PKNOX2: variants seen among roughly 807,000 people sequenced by gnomAD.
PKNOX2 encodes PBX/knotted 1 homeobox 2.
A neutral mutation model predicts 53.1 loss-of-function variants in PKNOX2; 14 were observed. The observed-to-expected ratio is 0.26, with a 90% confidence interval of 0.17 to 0.41. The LOEUF (loss-of-function observed/expected upper bound fraction) is 0.41, where lower values mean the gene tolerates loss of function less well. Ranked by LOEUF, PKNOX2 falls within the 10% of genes least tolerant of loss-of-function variation. The pLI is 1.00. For synonymous variants in PKNOX2, 257 were observed against 242.8 expected (o/e 1.06, Z -0.54); for missense variants, 496 against 602.8 (o/e 0.82, Z 1.85).
chr11:125,308,182 T>C lies in PKNOX2; in HGVS notation c.-129-23637T>C, dbSNP rs112767748. Among the ~76,000 whole-genome samples, 1,246 of 152,350 alleles carry C rather than the reference T, an allele frequency of 8.2e-3. 19 individuals are homozygous for C. Among genetic ancestry groups the C allele is most frequent in the South Asian group, 0.021 (100 of 4,832 alleles). On this transcript the variant is annotated intron_variant, in intron 2 of 12. Transcript: ENST00000298282. ...CCTTCCTTAGAATGTGCCCTATTAC[T>C]GCTTCTTGCTGCCCCTTCCTGCCAA...
intron 2 of PKNOX2, among the ~76,000 whole-genome samples, chr11:125,243,798 A>C (rs936175809): frequency 6.6e-6 from 1 of 151,736 alleles, no homozygotes; most frequent in South Asian, 2.1e-4. Flanking sequence ...AATTTTTTGT[A>C]TTTTTAGTAG....
At chr11:125,281,145 T>G (rs1367418607) in intron 2 of PKNOX2, among the ~76,000 whole-genome samples, 4 of 152,164 alleles carry the variant, frequency 2.6e-5, no homozygotes, top group African/African-American at 7.2e-5. Context: ...TCAGGCCGCT[T>G]GCTAGGGCCA....
intron 3 of PKNOX2, among the ~76,000 whole-genome samples, chr11:125,335,243 T>C (rs1039064478): frequency 2.6e-5 from 4 of 152,210 alleles, no homozygotes; most frequent in Admixed American, 1.3e-4. Flanking sequence ...TGTAGGATTC[T>C]CTCTCTGCAG....
rs147361131 is a variant in PKNOX2 at position 125,210,100 on chromosome 11, A to G, written c.-200-24945A>G. ...AAGCTATGCCGTAAAGGTTCTGCCA[A>G]CCTCTGGCTGGAGAATAGAAGGACA... On this transcript the variant is annotated intron_variant, in intron 1 of 12. Coordinates refer to ENST00000298282, the MANE Select transcript of PKNOX2 (RefSeq NM_001382323.2). Among the ~76,000 whole-genome samples, 28 of 152,184 alleles carry G rather than the reference A, an allele frequency of 1.8e-4. No individual in the cohort carries two copies. In the East Asian group the frequency reaches 4.2e-3, roughly 23 times the overall value.
At chr11:125,258,719 G>C (rs1188861111) in intron 2 of PKNOX2, 1 of 213,238 alleles carries the variant, frequency 4.7e-6, no homozygotes, top group Non-Finnish European at 1.0e-5. Flanking sequence ...TGGCAGGGGA[G>C]AGAAGCACTG....
intron 2 of PKNOX2, among the ~76,000 whole-genome samples, chr11:125,249,164 C>T (rs1360082361): frequency 6.6e-6 from 1 of 151,178 alleles, no homozygotes; most frequent in South Asian, 2.1e-4. Context: ...GGATCCTATT[C>T]CCCTGGGAAT....
At position 125,214,335 on chromosome 11, in the gene PKNOX2, C is replaced by T. The variant is rs1449334503; in HGVS notation, c.-200-20710C>T. On this transcript the variant is annotated intron_variant, in intron 1 of 12. Coordinates refer to ENST00000298282, the MANE Select transcript of PKNOX2 (RefSeq NM_001382323.2). The stretch of plus-strand genomic sequence containing the variant: ...AGCTGGCATTTCCTCTTCTGATTCG[C>T]TCTTGCTCTCCCTCTTACTCCCTTT... Among the ~76,000 whole-genome samples, 3 of 151,996 alleles carry T rather than the reference C, an allele frequency of 2.0e-5. No individual in the cohort carries two copies. In the East Asian group the frequency reaches 5.8e-4, roughly 29 times the overall value.
rs539392261 is a variant in PKNOX2, at chr11:125,307,432, C to G, written c.-129-24387C>G. ...ATTAGCCAGGTGTGGTGGTGCACAC[C>G]TGTAATCCCCAGCTACTCAGGAGGC... On this transcript the variant is annotated intron_variant, in intron 2 of 12. Coordinates refer to ENST00000298282, the MANE Select transcript of PKNOX2 (RefSeq NM_001382323.2). Among the ~76,000 whole-genome samples the G allele has an allele frequency of 3.7e-4, 57 of 152,222 alleles. 1 individual carries two copies. Among genetic ancestry groups the G allele is most frequent in the Admixed American group, 2.2e-3 (34 of 15,286 alleles).
intron 10 of PKNOX2, among the ~76,000 whole-genome samples, chr11:125,419,775 A>T (rs1343139873): frequency 6.6e-6 from 1 of 151,740 alleles, no homozygotes; most frequent in East Asian, 1.9e-4. Context: ...GCACAGTGAT[A>T]ATCCCAGCAC....
At chr11:125,184,028 A>G (rs539049426) in intron 1 of PKNOX2, among the ~76,000 whole-genome samples, 1 of 152,310 alleles carries the variant, frequency 6.6e-6, no homozygotes, top group African/African-American at 2.4e-5. Context: ...ATGGAGGGAG[A>G]TAAAAGATGA....
chr11:125,328,102 C>T (rs1033096571), intron 2 of PKNOX2, among the ~76,000 whole-genome samples: 1 of 152,280 alleles, frequency 6.6e-6, no homozygotes, highest in Admixed American at 6.5e-5. Flanking sequence ...GGAACCCCAG[C>T]ACCAGGAGGG....
At chr11:125,228,792 T>C (rs1282701072) in intron 1 of PKNOX2, among the ~76,000 whole-genome samples, 1 of 152,212 alleles carries the variant, frequency 6.6e-6, no homozygotes, top group Non-Finnish European at 1.5e-5. Context: ...TAATTTTGTT[T>C]TATTGCTGGT....
chr11:125,433,130 T>C lies in PKNOX2; in HGVS notation c.*1738T>C, dbSNP rs1956773366. On this transcript the variant is annotated 3_prime_UTR_variant, in exon 13 of 13. Transcript: ENST00000298282. ...CTTTTTTGGCGTGAGACTTTTGCAA[T>C]GTGCAGTGGGATAAAATGCATTTCC... 6.6e-6 allele frequency: 1 copy of C among 152,660 alleles called. No homozygotes were observed. The allele number at this position is 152,660 out of a possible 1,614,324, so 9.5% of individuals were successfully genotyped here. A position where few individuals can be genotyped will look rare whatever the true frequency, so the allele number is the denominator to read the frequency against.
chr11:125,300,456 CA>C (rs1947969159), intron 2 of PKNOX2, among the ~76,000 whole-genome samples: 1 of 152,160 alleles, frequency 6.6e-6, no homozygotes, highest in South Asian at 2.1e-4. Context: ...CACAGTTCTC[CA>C]GCTGGCAAGC....
intron 2 of PKNOX2, among the ~76,000 whole-genome samples, chr11:125,326,250 C>A (rs959626864): frequency 2.0e-5 from 3 of 152,196 alleles, no homozygotes; most frequent in African/African-American, 7.2e-5. Context: ...AGGCTGAGTT[C>A]ATTCGGCTGC....
At chr11:125,250,047 A>G (rs1342719766) in intron 2 of PKNOX2, among the ~76,000 whole-genome samples, 3 of 145,180 alleles carry the variant, frequency 2.1e-5, no homozygotes, top group East Asian at 4.0e-4. Flanking sequence ...CCTGGGCAAC[A>G]GGAGCAAAAC....
intron 1 of PKNOX2, among the ~76,000 whole-genome samples, chr11:125,223,235 CTT>C (rs113417834): frequency 2.1e-5 from 3 of 145,242 alleles, no homozygotes; most frequent in African/African-American, 2.5e-5. Context: ...TCTTTTAGTC[CTT>C]TTTTTTTTTT....
In PKNOX2 at chr11:125,283,857, G is replaced by A. The variant is rs114899002; in HGVS notation, c.-129-47962G>A. Among the ~76,000 whole-genome samples, 839 of 152,256 alleles carry A rather than the reference G, an allele frequency of 5.5e-3. 6 individuals carry two copies. Among genetic ancestry groups the A allele is most frequent in the African/African-American group, 0.019 (789 of 41,546 alleles). On this transcript the variant is annotated intron_variant, in intron 2 of 12. Coordinates refer to ENST00000298282, the MANE Select transcript of PKNOX2 (RefSeq NM_001382323.2). ...AGGCATTTCTGAAGGTGGGAAATCAGTCAAGTATTATAATACTATTCAACA... is the reference window on the plus strand; with the variant it reads ...AGGCATTTCTGAAGGTGGGAAATCAATCAAGTATTATAATACTATTCAACA...
chr11:125,412,024 G>T (rs774790008), intron 10 of PKNOX2, among the ~76,000 whole-genome samples, 159 bp downstream of exon 10: 3 of 152,180 alleles, frequency 2.0e-5, no homozygotes, highest in South Asian at 4.1e-4. Context: ...TCCAGGCCAG[G>T]GGGGCTCAGG....
Sources: gnomAD v4.1 joint callset for allele counts (sites outside exome capture counted in the v4.1 genomes callset) on GRCh38, gnomAD v4.1.1 for gene constraint, MANE v1.5 for transcripts, NCBI Gene and HGNC (gene_info 2026-07-23, HGNC 2026-07-21) for gene names.